OC90: variants seen among roughly 807,000 people sequenced by gnomAD.
The protein encoded by OC90 is otoconin-90.
OC90 carries 46 observed loss-of-function variants against 47.3 expected under a neutral mutation model. That is an observed-to-expected ratio of 0.97 (90% confidence interval 0.77 to 1.24). The LOEUF is 1.24. Ranked by LOEUF, OC90 falls within the 50% of genes most tolerant of loss-of-function variation. The probability of loss-of-function intolerance (pLI) is 0.00; values close to 1 mark genes in which losing one functional copy is unlikely to be tolerated. For missense variants in OC90, 688 were observed against 583.9 expected (o/e 1.18, Z -1.84); for synonymous variants, 271 against 219.5 (o/e 1.23, Z -2.07).
intron 5 of OC90, 34 bp from the exon 6 acceptor site, chr8:132,041,190 T>A (rs1252003261): frequency 1.4e-6 from 2 of 1,396,000 alleles, no homozygotes; most frequent in African/African-American, 1.4e-5. Flanking sequence ...AGGGTGAGAG[T>A]GTGGGTTAGA....
chr8:132,043,626 C>G (rs533810343), intron 4 of OC90, among the ~76,000 whole-genome samples: 27 of 152,308 alleles, frequency 1.8e-4, no homozygotes, highest in African/African-American at 6.0e-4. Context: ...TTTGTGAGGA[C>G]CAGTTCCACC....
At chr8:132,043,734 G>A (rs767669327) in intron 4 of OC90, among the ~76,000 whole-genome samples, 49 of 152,176 alleles carry the variant, frequency 3.2e-4, no homozygotes, top group Non-Finnish European at 6.0e-4. Flanking sequence ...GATTGAAAAA[G>A]CAACACTAAG....
At chr8:132,036,529 C>T in intron 9 of OC90, 1 of 747,796 alleles carries the variant, frequency 1.3e-6, no homozygotes, top group Non-Finnish European at 2.5e-6. Flanking sequence ...TTAGGGTAAT[C>T]CGATCAGGGC....
intron 2 of OC90, among the ~76,000 whole-genome samples, chr8:132,050,381 T>C (rs946697232): frequency 6.6e-6 from 1 of 152,144 alleles, no homozygotes; most frequent in African/African-American, 2.4e-5. Flanking sequence ...TGGGTAACTT[T>C]GGAATCTGTC....
intron 2 of OC90, chr8:132,049,959 C>T: frequency 2.2e-6 from 1 of 453,548 alleles, no homozygotes; most frequent in Non-Finnish European, 4.7e-6. Context: ...TGCACCATCT[C>T]ACCTCTACGT....
chr8:132,036,546 C>T, intron 9 of OC90: 2 of 700,094 alleles, frequency 2.9e-6, no homozygotes, highest in East Asian at 5.0e-5. Context: ...GGGCATATGG[C>T]TGCACAATGG....
chr8:132,036,781 G>A (rs1224963829), intron 9 of OC90, among the ~76,000 whole-genome samples: 1 of 152,226 alleles, frequency 6.6e-6, no homozygotes, highest in Admixed American at 6.5e-5. Flanking sequence ...ATTCATCTCT[G>A]AATCTCGATC....
intron 13 of OC90, among the ~76,000 whole-genome samples, chr8:132,026,616 C>G (rs945633982): frequency 2.6e-5 from 4 of 152,162 alleles, no homozygotes; most frequent in African/African-American, 9.7e-5. Context: ...AGGAGGCTAT[C>G]CTTAAATCTC....
chr8:132,034,513 C>T (rs919401329), intron 10 of OC90, among the ~76,000 whole-genome samples: 63 of 152,274 alleles, frequency 4.1e-4, no homozygotes, highest in African/African-American at 1.5e-3. Flanking sequence ...GCCCTCACCT[C>T]TTGAGGAGGA....
intron 2 of OC90, among the ~76,000 whole-genome samples, chr8:132,053,443 C>T (rs1427855961): frequency 3.9e-5 from 6 of 152,168 alleles, no homozygotes; most frequent in Non-Finnish European, 8.8e-5. Context: ...CATCAAATGG[C>T]CAGTGAGTGG....
chr8:132,028,355 A>G (rs1822792027), intron 13 of OC90, among the ~76,000 whole-genome samples: 1 of 151,814 alleles, frequency 6.6e-6, no homozygotes, highest in Non-Finnish European at 1.5e-5. Flanking sequence ...TACAAAAATT[A>G]GCTGGACATG....
intron 9 of OC90, among the ~76,000 whole-genome samples, chr8:132,035,442 G>A (rs1822943561): frequency 6.6e-6 from 1 of 152,164 alleles, no homozygotes; most frequent in South Asian, 2.1e-4. Flanking sequence ...ACAGAGCTAG[G>A]AGGCGGCTGC....
rs141876937 is a variant in OC90 at position 132,058,195 on chromosome 8, G to A, written c.-48+1146C>T. Among the ~76,000 whole-genome samples the A allele has an allele frequency of 3.9e-3, 591 of 152,296 alleles. 2 individuals are homozygous for A. Among genetic ancestry groups the A allele is most frequent in the African/African-American group, 0.014 (569 of 41,572 alleles). ...CCCTGGGCAACAGTGAGGATGACCC[G>A]AATCTGGGGTACGTGCACATTAGGG... On this transcript the variant is annotated intron_variant, in intron 1 of 13. Transcript: ENST00000254627.
chr8:132,056,701 A>G (rs1211810536), intron 1 of OC90, among the ~76,000 whole-genome samples: 1 of 152,190 alleles, frequency 6.6e-6, no homozygotes, highest in Non-Finnish European at 1.5e-5. Flanking sequence ...GGGAGACAAG[A>G]GAGGTCTCCA....
intron 12 of OC90, among the ~76,000 whole-genome samples, chr8:132,030,927 C>A (rs1348938292): frequency 6.6e-6 from 1 of 152,204 alleles, no homozygotes. Flanking sequence ...TTAGCTATGA[C>A]AAGCTTTGTC....
At chr8:132,029,988 G>A (rs989079077) in intron 12 of OC90, among the ~76,000 whole-genome samples, 1 of 152,074 alleles carries the variant, frequency 6.6e-6, no homozygotes, top group Admixed American at 6.5e-5. Context: ...CTTTTTTATT[G>A]CACCTCTTCT....
At position 132,024,655 on chromosome 8, in the gene OC90, C is replaced by T. The variant is rs1261882505; in HGVS notation, c.1260G>A (p.Gly420=). 1 of 1,613,078 alleles carries T rather than the reference C, an allele frequency of 6.2e-7. No individual in the cohort carries two copies. Among genetic ancestry groups the T allele is most frequent in the South Asian group, 1.1e-5 (1 of 90,980 alleles). ...LKSPSRLGCP[G]QPAACEDSLH... ...GGCTGTCTTCACAGGCTGCTGGCTGCCCAGGGCACCCGAGTCTGCTTGGGG... is the reference window on the plus strand; with the variant it reads ...GGCTGTCTTCACAGGCTGCTGGCTGTCCAGGGCACCCGAGTCTGCTTGGGG... Residue 420 remains glycine (G), a synonymous_variant, in exon 14 of 14, where the codon GGG becomes GGA. Coordinates refer to ENST00000254627, the MANE Select transcript of OC90 (RefSeq NM_001080399.3).
chr8:132,039,227 C>G (rs1203882933), intron 6 of OC90, 104 bp from the exon 7 acceptor site: 5 of 1,255,742 alleles, frequency 4.0e-6, no homozygotes, highest in Non-Finnish European at 4.5e-6. Context: ...GCCAAAAATC[C>G]CACTCCCCTT....
chr8:132,052,152 G>A (rs965424733), intron 2 of OC90, among the ~76,000 whole-genome samples: 8 of 152,068 alleles, frequency 5.3e-5, no homozygotes, highest in South Asian at 2.1e-4. Flanking sequence ...CCAGGTTTGC[G>A]GAATGGTTCC....
Sources: gnomAD v4.1 joint callset for allele counts (sites outside exome capture counted in the v4.1 genomes callset) on GRCh38, gnomAD v4.1.1 for gene constraint, MANE v1.5 for transcripts, NCBI Gene and HGNC (gene_info 2026-07-23, HGNC 2026-07-21) for gene names.